Variants in ADAMTS19 observed in about 807,000 individuals in gnomAD.
The protein encoded by ADAMTS19 is ADAM metallopeptidase with thrombospondin type 1 motif 19.
ADAMTS19 carries 93 observed loss-of-function variants against 153.3 expected under a neutral mutation model. The observed-to-expected ratio is 0.61, with a 90% CI of 0.51 to 0.72. ADAMTS19 has a LOEUF of 0.72. Among genes scored for constraint, ADAMTS19 ranks in the 30% least tolerant of loss-of-function variants. The pLI, the probability that ADAMTS19 is intolerant of heterozygous loss-of-function variation, is 0.00. For missense variants in ADAMTS19, 1,482 were observed against 1,552.1 expected (o/e 0.95, Z 0.76); for synonymous variants, 600 against 556.6 (o/e 1.08, Z -1.10).
At chr5:129,606,616 T>A (rs1453449418) in intron 8 of ADAMTS19, among the ~76,000 whole-genome samples, 1 of 152,218 alleles carries the variant, frequency 6.6e-6, no homozygotes, top group African/African-American at 2.4e-5. Context: ...CTTTATTGCC[T>A]TTCACAACTT....
rs1554103310 is a variant in ADAMTS19, at chr5:129,658,321, G to GAAAGAA, written c.2305-294_2305-289dup. ...AAAGAAAGAAAGAAAAAGAAAGAAA[G>GAAAGAA]AAAGAAAGAAAGAAAGAAAGAAAGA... On this transcript the variant is annotated intron_variant, in intron 14 of 22. Transcript: ENST00000274487. 6.3e-3 allele frequency among the ~76,000 whole-genome samples: 542 copies of GAAAGAA among 86,386 alleles called. 7 individuals are homozygous for GAAAGAA. Among genetic ancestry groups the GAAAGAA allele is most frequent in the African/African-American group, 0.022 (517 of 23,496 alleles). 56.7% of individuals were successfully genotyped at this position (86,386 alleles called of 152,430 possible).
chr5:129,583,419 T>C (rs963224884), intron 7 of ADAMTS19, among the ~76,000 whole-genome samples: 6 of 152,136 alleles, frequency 3.9e-5, no homozygotes, highest in African/African-American at 1.4e-4. Flanking sequence ...AGTATCTTTA[T>C]GGTGTTCTCT....
chr5:129,553,018 C>G (rs766172526), intron 7 of ADAMTS19, among the ~76,000 whole-genome samples: 1 of 152,050 alleles, frequency 6.6e-6, no homozygotes, highest in African/African-American at 2.4e-5. Context: ...GACTCTCTTG[C>G]CTGCTTCCCC....
chr5:129,556,313 G>A (rs1031285010), intron 7 of ADAMTS19, among the ~76,000 whole-genome samples: 1 of 152,146 alleles, frequency 6.6e-6, no homozygotes, highest in Non-Finnish European at 1.5e-5. Flanking sequence ...GCTTACCAGG[G>A]TTGTCAGAAT....
At position 129,645,548 on chromosome 5, in the gene ADAMTS19, AG is replaced by A. The variant is rs1034296138; in HGVS notation, c.1873-2215del. Among the ~76,000 whole-genome samples, 169 of 152,286 alleles carry A rather than the reference AG, an allele frequency of 1.1e-3. 1 individual carries two copies. The highest frequency in any genetic ancestry group is 3.7e-3 in the African/African-American group (153 of 41,560). ...ATTTCACTGATGTGTATATGCAAATAGGTTTGCATTTCTGTATCCATTTCTC... is the reference window on the plus strand; with the variant it reads ...ATTTCACTGATGTGTATATGCAAATAGTTTGCATTTCTGTATCCATTTCTC... On this transcript the variant is annotated intron_variant, in intron 11 of 22. Transcript: ENST00000274487.
At chr5:129,706,563 C>CAAAAAAAA (rs1175652790) in intron 21 of ADAMTS19, among the ~76,000 whole-genome samples, 4 of 66,612 alleles carry the variant, frequency 6.0e-5, no homozygotes, top group Non-Finnish European at 9.6e-5. Context: ...GAGTGAAACT[C>CAAAAAAAA]AAAAAAAAAA....
At chr5:129,518,431 A>G (rs1280248447) in intron 3 of ADAMTS19, among the ~76,000 whole-genome samples, 3 of 151,902 alleles carry the variant, frequency 2.0e-5, no homozygotes, top group Admixed American at 6.6e-5. Flanking sequence ...GAAAGTGTTT[A>G]TTTTTCCTTC....
At chr5:129,522,316 T>TACACACACACACACACACACAC (rs1186259435) in intron 3 of ADAMTS19, among the ~76,000 whole-genome samples, 5 of 91,948 alleles carry the variant, frequency 5.4e-5, no homozygotes, top group African/African-American at 2.3e-4. Context: ...TATATATATA[T>TACACACACACACACACACACAC]ACACACACAC....
At chr5:129,608,090 A>ATATG (rs1554098184) in intron 8 of ADAMTS19, among the ~76,000 whole-genome samples, 1 of 104,546 alleles carries the variant, frequency 9.6e-6, no homozygotes, top group Admixed American at 1.1e-4. Flanking sequence ...TTTTATATAT[A>ATATG]TGTGTGTGTG....
intron 7 of ADAMTS19, among the ~76,000 whole-genome samples, chr5:129,579,421 G>A (rs1157103370): frequency 1.3e-5 from 2 of 152,134 alleles, no homozygotes; most frequent in Non-Finnish European, 2.9e-5. Flanking sequence ...TTCTTTTGCT[G>A]TGCAGAAGCT....
chr5:129,652,892 A>C (rs1372885991), intron 13 of ADAMTS19, among the ~76,000 whole-genome samples: 2 of 152,180 alleles, frequency 1.3e-5, no homozygotes, highest in Non-Finnish European at 2.9e-5. Context: ...CATAGTAAGC[A>C]GTCATTGAAT....
intron 10 of ADAMTS19, among the ~76,000 whole-genome samples, chr5:129,640,503 C>G (rs1432365687): frequency 1.3e-5 from 2 of 152,086 alleles, no homozygotes; most frequent in South Asian, 2.1e-4. Flanking sequence ...ATTTTGAACA[C>G]CAACACCAGA....
chr5:129,477,245 A>G (rs572859500), intron 2 of ADAMTS19, among the ~76,000 whole-genome samples: 5 of 152,208 alleles, frequency 3.3e-5, no homozygotes, highest in African/African-American at 4.8e-5. Context: ...GGAAACAGCC[A>G]AGTATCATTT....
At chr5:129,631,569 GTCT>G (rs1269282583) in intron 10 of ADAMTS19, among the ~76,000 whole-genome samples, 1 of 151,828 alleles carries the variant, frequency 6.6e-6, no homozygotes, top group Admixed American at 6.6e-5. Flanking sequence ...GATGCATTAT[GTCT>G]TCTTATTGCA....
chr5:129,480,687 C>T (rs1400354049), intron 2 of ADAMTS19, among the ~76,000 whole-genome samples: 2 of 152,064 alleles, frequency 1.3e-5, no homozygotes, highest in African/African-American at 2.4e-5. Context: ...TGAATATCCA[C>T]ATAAAAGTTC....
intron 16 of ADAMTS19, among the ~76,000 whole-genome samples, chr5:129,668,124 C>T (rs1754134931): frequency 6.6e-6 from 1 of 152,178 alleles, no homozygotes; most frequent in Admixed American, 6.5e-5. Context: ...TGGCTGCCAG[C>T]ATTCCTTCGC....
At chr5:129,635,038 A>T (rs1322815549) in intron 10 of ADAMTS19, among the ~76,000 whole-genome samples, 1 of 152,182 alleles carries the variant, frequency 6.6e-6, no homozygotes, top group Non-Finnish European at 1.5e-5. Context: ...ACAAAGATCT[A>T]ATATCCAGCA....
At chr5:129,669,631 T>C (rs1754208776) in intron 16 of ADAMTS19, among the ~76,000 whole-genome samples, 1 of 152,102 alleles carries the variant, frequency 6.6e-6, no homozygotes, top group African/African-American at 2.4e-5. Flanking sequence ...TCTAATCTTA[T>C]CTGCTTTCTT....
At chr5:129,553,366 G>A (rs1753200449) in intron 7 of ADAMTS19, among the ~76,000 whole-genome samples, 1 of 152,042 alleles carries the variant, frequency 6.6e-6, no homozygotes, top group South Asian at 2.1e-4. Context: ...TGCTAAATCT[G>A]CTAATTCAAA....
Sources: gnomAD v4.1 joint callset for allele counts (sites outside exome capture counted in the v4.1 genomes callset) on GRCh38, gnomAD v4.1.1 for gene constraint, MANE v1.5 for transcripts, NCBI Gene and HGNC (gene_info 2026-07-23, HGNC 2026-07-21) for gene names.